Variants in VPS13A observed in about 807,000 individuals in gnomAD.
VPS13A encodes intermembrane lipid transfer protein VPS13A.
A neutral mutation model predicts 390.9 loss-of-function variants in VPS13A; 264 were observed. The observed-to-expected ratio is 0.68, with a 90% confidence interval of 0.61 to 0.75. VPS13A has a LOEUF of 0.75. Ranked by LOEUF, VPS13A falls within the 30% of genes least tolerant of loss-of-function variation. The probability of loss-of-function intolerance (pLI) is 0.00; values close to 1 mark genes in which losing one functional copy is unlikely to be tolerated. For synonymous variants in VPS13A, 1,231 were observed against 1,227.1 expected (o/e 1.00, Z -0.07); for missense variants, 3,409 against 3,733.9 (o/e 0.91, Z 2.27).
At chr9:77,403,173 T>C in intron 68 of VPS13A, 63 bp from the exon 69 acceptor site, 2 of 1,146,872 alleles carry the variant, frequency 1.7e-6, no homozygotes, top group Non-Finnish European at 2.6e-6. Context: ...CTATAAGGCA[T>C]TGTTTGCATT....
intron 67 of VPS13A, among the ~76,000 whole-genome samples, chr9:77,375,219 G>A (rs1311527366): frequency 6.6e-6 from 1 of 152,032 alleles, no homozygotes; most frequent in African/African-American, 2.4e-5. Flanking sequence ...TTTAGGGATT[G>A]AGGGCACAAT....
intron 1 of VPS13A, among the ~76,000 whole-genome samples, chr9:77,192,681 G>C (rs906324337): frequency 6.6e-6 from 1 of 152,098 alleles, no homozygotes; most frequent in African/African-American, 2.4e-5. Flanking sequence ...ATTTCTTCTG[G>C]CTTGTAGGAT....
At chr9:77,278,514 G>A (rs1343396799) in intron 26 of VPS13A, among the ~76,000 whole-genome samples, 1 of 152,154 alleles carries the variant, frequency 6.6e-6, no homozygotes, top group Non-Finnish European at 1.5e-5. Flanking sequence ...TTCTCAGAGG[G>A]AGTGAATAGC....
In VPS13A at chr9:77,416,151, CAAA is replaced by C; in HGVS notation, c.*148_*150del. 2.0e-6 allele frequency: 2 copies of C among 993,174 alleles called. No homozygotes were observed. The highest frequency in any genetic ancestry group is 3.0e-6 in the Non-Finnish European group (2 of 658,944). The allele number at this position is 993,174 out of a possible 1,614,324, so 61.5% of individuals were successfully genotyped here. A position where few individuals can be genotyped will look rare whatever the true frequency, so the allele number is the denominator to read the frequency against. On this transcript the variant is annotated 3_prime_UTR_variant, in exon 72 of 72. Coordinates refer to ENST00000360280, the MANE Select transcript of VPS13A (RefSeq NM_033305.3). ...TAAAAAACAAAAACAAACAAAAAAA[CAAA>C]AACAAAAAAACAAAACCAGAATCAG...
chr9:77,232,130 A>G, intron 17 of VPS13A, among the ~76,000 whole-genome samples: 1 of 152,166 alleles, frequency 6.6e-6, no homozygotes, highest in East Asian at 1.9e-4. Context: ...CACTGTGATT[A>G]TCATTATACC....
intron 23 of VPS13A, among the ~76,000 whole-genome samples, chr9:77,268,594 A>G (rs1826167205): frequency 6.6e-6 from 1 of 152,136 alleles, no homozygotes; most frequent in South Asian, 2.1e-4. Flanking sequence ...GTTCATATTC[A>G]GCCATCTTGC....
At chr9:77,411,351 T>A (rs1031141392) in intron 71 of VPS13A, among the ~76,000 whole-genome samples, 1 of 151,904 alleles carries the variant, frequency 6.6e-6, no homozygotes, top group Non-Finnish European at 1.5e-5. Context: ...AATCTAAAAT[T>A]GACACCCTAA....
chr9:77,323,052 A>G lies in VPS13A; in HGVS notation c.5831-15A>G, dbSNP rs769221114. 6.3e-7 allele frequency: 1 copy of G among 1,593,686 alleles called. No homozygotes were observed. The highest frequency in any genetic ancestry group is 2.3e-5 in the East Asian group (1 of 44,350). On this transcript the variant is annotated splice_polypyrimidine_tract_variant and intron_variant, in intron 44 of 71. Transcript: ENST00000360280. ...AATTATAATAAAAACTTTTAAACAT[A>G]CTTACTTAATTTAGCACCTGTTAAC...
rs775342578 is a variant in VPS13A at position 77,177,782 on chromosome 9, G to T, written c.78G>T (p.Gln26His). The change falls in exon 1 of 72, where the codon CAG becomes CAT. Residue 26 changes from glutamine to histidine, a missense_variant. Gln to His is a conservative substitution (Grantham distance 24, BLOSUM62 0). Around this residue, in one of 5 missense-constraint regions of VPS13A, gnomAD observed 2,717 missense variants for 2,917.4 expected, o/e 0.93. Transcript: ENST00000360280. ...ATGTGGTGGACTTGGACACGTCCCA[G>T]CTCTCTCTGGGCATCTGGAAAGGTA... is the stretch of plus-strand genomic sequence containing the variant. ...GDYVVDLDTS[Q>H]LSLGIWKGAV... is the part of the protein sequence containing the mutation. 1.2e-6 allele frequency: 2 copies of T among 1,613,286 alleles called. No homozygotes were observed. The highest frequency in any genetic ancestry group is 2.7e-5 in the African/African-American group (2 of 74,918).
At chr9:77,318,141 C>A in intron 40 of VPS13A, 94 bp from the exon 41 acceptor site, 1 of 678,490 alleles carries the variant, frequency 1.5e-6, no homozygotes, top group Non-Finnish European at 2.3e-6. Flanking sequence ...AATGTTAATT[C>A]AGTATTTAAT....
In VPS13A at chr9:77,407,595, A is replaced by C; in HGVS notation, c.9462A>C (p.Pro3154=). Residue 3154 remains proline (P), a synonymous_variant, in exon 71 of 72, where the codon CCA becomes CCC. Transcript: ENST00000360280. The part of the protein sequence containing the change: ...EFGKIINFKT[P]EDARWILTKL... The stretch of plus-strand genomic sequence containing the variant: ...GAAAAATAATTAACTTCAAGACCCC[A>C]GAGGATGCCAGGGTAAATATAATAA... The C allele has an allele frequency of 6.2e-7, 1 of 1,611,514 alleles. No individual in the cohort carries two copies. Among genetic ancestry groups the C allele is most frequent in the Non-Finnish European group, 8.5e-7 (1 of 1,177,878 alleles).
At chr9:77,197,994 T>C (rs1825102260) in intron 1 of VPS13A, among the ~76,000 whole-genome samples, 1 of 152,190 alleles carries the variant, frequency 6.6e-6, no homozygotes. Context: ...AAATACAGTG[T>C]GTTCAGGGTG....
intron 68 of VPS13A, among the ~76,000 whole-genome samples, chr9:77,400,223 A>ATTTTTTTTTTTTTTTTT (rs34605855): frequency 7.9e-5 from 7 of 88,116 alleles, no homozygotes; most frequent in African/African-American, 3.1e-4. Context: ...TATCAGTCAG[A>ATTTTTTTTTTTTTTTTT]TTTTTTTTTT....
intron 26 of VPS13A, among the ~76,000 whole-genome samples, chr9:77,278,808 C>A (rs1826844730): frequency 6.6e-6 from 1 of 152,150 alleles, no homozygotes; most frequent in Non-Finnish European, 1.5e-5. Context: ...TCTATAAATT[C>A]TCTTCTACAC....
At chr9:77,403,369 C>A in intron 69 of VPS13A, 48 bp downstream of exon 69, 1 of 1,432,818 alleles carries the variant, frequency 7.0e-7, no homozygotes, top group Non-Finnish European at 9.8e-7. Context: ...GGTTAACTGA[C>A]AGCGACTCAT....
chr9:77,299,242 G>T (rs944084283), intron 33 of VPS13A, among the ~76,000 whole-genome samples: 3 of 152,124 alleles, frequency 2.0e-5, no homozygotes, highest in Non-Finnish European at 2.9e-5. Context: ...GGCTATACGG[G>T]CTCTTTTTTG....
chr9:77,407,620 A>T lies in VPS13A; in HGVS notation c.9474+13A>T. 4.4e-6 allele frequency: 7 copies of T among 1,585,122 alleles called. No homozygotes were observed. Among genetic ancestry groups the T allele is most frequent in the Non-Finnish European group, 6.1e-6 (7 of 1,154,528 alleles). On this transcript the variant is annotated intron_variant, in intron 71 of 71. Coordinates refer to ENST00000360280, the MANE Select transcript of VPS13A (RefSeq NM_033305.3). ...AGAGGATGCCAGGGTAAATATAATA[A>T]ATCTTTTATTTAAATAGGAGCTGCT...
At chr9:77,279,886 C>G (rs1826912641) in intron 26 of VPS13A, 2 of 230,606 alleles carry the variant, frequency 8.7e-6, no homozygotes, top group African/African-American at 4.6e-5. Context: ...TTAGTTGATT[C>G]CTGTTTTTTC....
intron 23 of VPS13A, among the ~76,000 whole-genome samples, chr9:77,263,207 C>T (rs549578918): frequency 3.3e-5 from 5 of 151,526 alleles, no homozygotes; most frequent in African/African-American, 1.2e-4. Flanking sequence ...CCTGGGTTCA[C>T]GCCATTCTCC....
Sources: gnomAD v4.1 joint callset for allele counts (sites outside exome capture counted in the v4.1 genomes callset) on GRCh38, gnomAD v4.1.1 for gene constraint, gnomAD v4.1.1 regional missense constraint, MANE v1.5 for transcripts, NCBI Gene and HGNC (gene_info 2026-07-23, HGNC 2026-07-21) for gene names.